Variants in SND1 observed in about 807,000 individuals in gnomAD.
SND1 encodes staphylococcal nuclease and tudor domain containing 1.
SND1 carries 38 observed loss-of-function variants against 121.7 expected under a neutral mutation model. The ratio of observed to expected loss-of-function variants is 0.31; its 90% CI spans 0.24 to 0.41. The LOEUF is 0.41. Ranked by LOEUF, SND1 falls within the 10% of genes least tolerant of loss-of-function variation. SND1 has a pLI of 1.00. For synonymous variants in SND1, 401 were observed against 447.4 expected (o/e 0.90, Z 1.31); for missense variants, 868 against 1,184.6 (o/e 0.73, Z 3.92).
chr7:128,018,375 A>G (rs978612171), intron 16 of SND1, among the ~76,000 whole-genome samples: 1 of 152,224 alleles, frequency 6.6e-6, no homozygotes, highest in Non-Finnish European at 1.5e-5. Flanking sequence ...AGCACAAAGA[A>G]AACACATGCT....
intron 9 of SND1, among the ~76,000 whole-genome samples, chr7:127,716,666 A>T (rs1796396862): frequency 6.6e-6 from 1 of 152,094 alleles, no homozygotes; most frequent in South Asian, 2.1e-4. Context: ...TTTCCTTCCA[A>T]TTTAGATGCC....
chr7:127,942,362 G>A (rs1801232387), intron 15 of SND1, among the ~76,000 whole-genome samples: 1 of 152,180 alleles, frequency 6.6e-6, no homozygotes, highest in Non-Finnish European at 1.5e-5. Context: ...TTTGCCAGGA[G>A]CAAAGGTCTC....
At chr7:127,710,999 A>AT (rs888641397) in intron 9 of SND1, among the ~76,000 whole-genome samples, 2 of 152,126 alleles carry the variant, frequency 1.3e-5, no homozygotes, top group African/African-American at 2.4e-5. Context: ...TAAAATTTAC[A>AT]TTTTTTTACA....
chr7:127,737,000 A>G (rs540473010), intron 10 of SND1, among the ~76,000 whole-genome samples: 4 of 152,336 alleles, frequency 2.6e-5, no homozygotes, highest in African/African-American at 9.6e-5. Flanking sequence ...GCACAATTAC[A>G]TTACAGATTA....
intron 11 of SND1, among the ~76,000 whole-genome samples, chr7:127,827,838 G>A (rs977334217): frequency 2.0e-5 from 3 of 151,876 alleles, no homozygotes; most frequent in Non-Finnish European, 2.9e-5. Flanking sequence ...TAAAGGAATA[G>A]TATATTATGC....
At chr7:127,729,121 G>T (rs1217800653) in intron 10 of SND1, among the ~76,000 whole-genome samples, 1 of 152,080 alleles carries the variant, frequency 6.6e-6, no homozygotes, top group Non-Finnish European at 1.5e-5. Flanking sequence ...CACCAGAGGG[G>T]TTAATTTCAG....
chr7:127,792,599 A>G (rs574146731), intron 10 of SND1, among the ~76,000 whole-genome samples: 3 of 152,324 alleles, frequency 2.0e-5, no homozygotes, highest in East Asian at 1.9e-4. Flanking sequence ...AAGAAAACAT[A>G]TAAGAACATA....
chr7:127,916,449 A>G (rs979321957), intron 14 of SND1, among the ~76,000 whole-genome samples: 1 of 152,150 alleles, frequency 6.6e-6, no homozygotes, highest in Non-Finnish European at 1.5e-5. Flanking sequence ...GTTAAAATTG[A>G]GGCACTAATG....
rs115184171 is a variant in SND1, at chr7:128,035,562, A to G, written c.1780-38940A>G. ...GGCACAGTGACTTACCTAAAGCTAC[A>G]TGACTGATTAGTATCAGAGTCTGTC... On this transcript the variant is annotated intron_variant, in intron 16 of 23. Coordinates refer to ENST00000354725, the MANE Select transcript of SND1 (RefSeq NM_014390.4). Among the ~76,000 whole-genome samples the G allele has an allele frequency of 5.8e-3, 889 of 152,346 alleles. 15 individuals are homozygous for G. Among genetic ancestry groups the G allele is most frequent in the African/African-American group, 0.02 (845 of 41,578 alleles).
intron 14 of SND1, among the ~76,000 whole-genome samples, chr7:127,909,836 G>A (rs188688437): frequency 1.5e-3 from 223 of 152,340 alleles, no homozygotes; most frequent in African/African-American, 4.7e-3. Context: ...TTCATGAAAC[G>A]AAGTCTTACA....
chr7:127,927,138 A>G (rs1219410026), intron 14 of SND1, among the ~76,000 whole-genome samples: 1 of 152,126 alleles, frequency 6.6e-6, no homozygotes, highest in Non-Finnish European at 1.5e-5. Flanking sequence ...TTTAGCAAAA[A>G]AGGAAGAGAG....
chr7:127,862,545 A>G (rs1799399142), intron 12 of SND1, among the ~76,000 whole-genome samples: 1 of 152,232 alleles, frequency 6.6e-6, no homozygotes, highest in Non-Finnish European at 1.5e-5. Context: ...CTTGTAATGT[A>G]TTACAGACAT....
chr7:128,009,665 A>G lies in SND1; in HGVS notation c.1779+18609A>G, dbSNP rs553076148. On this transcript the variant is annotated intron_variant, in intron 16 of 23. Transcript: ENST00000354725. ...ACCTTATTAGACAGCATAGGACTCTAGACAAGTCCCCTGCACATTGTGCAT... is the reference window on the plus strand; with the variant it reads ...ACCTTATTAGACAGCATAGGACTCTGGACAAGTCCCCTGCACATTGTGCAT... 6.6e-5 allele frequency among the ~76,000 whole-genome samples: 10 copies of G among 152,342 alleles called. No homozygotes were observed. The South Asian group carries it at 1.7e-3, about 25-fold the overall frequency.
At chr7:128,054,824 G>T (rs1172077344) in intron 16 of SND1, among the ~76,000 whole-genome samples, 2 of 152,210 alleles carry the variant, frequency 1.3e-5, no homozygotes, top group Admixed American at 6.5e-5. Context: ...CTGCCTCTCA[G>T]TAGTTTGTAA....
chr7:127,664,725 G>T (rs1231958736), intron 1 of SND1, among the ~76,000 whole-genome samples: 3 of 152,172 alleles, frequency 2.0e-5, no homozygotes. Flanking sequence ...GGCATCTTCA[G>T]TGGGAGGAGT....
intron 15 of SND1, among the ~76,000 whole-genome samples, chr7:127,975,693 G>A (rs1802103390): frequency 6.6e-6 from 1 of 152,176 alleles, no homozygotes; most frequent in Admixed American, 6.5e-5. Context: ...CAGCCAGCCT[G>A]GGGCTTTGGA....
intron 16 of SND1, among the ~76,000 whole-genome samples, chr7:128,071,906 C>T (rs1487093703): frequency 2.6e-5 from 4 of 152,206 alleles, no homozygotes; most frequent in Non-Finnish European, 5.9e-5. Flanking sequence ...CTTTCATCTG[C>T]GGCTGGCTGG....
chr7:127,900,576 A>G (rs1275526472), intron 13 of SND1, among the ~76,000 whole-genome samples: 3 of 152,208 alleles, frequency 2.0e-5, no homozygotes, highest in East Asian at 3.8e-4. Flanking sequence ...CTTCTAGAGG[A>G]AAAGCAGCAG....
chr7:127,819,736 AT>A (rs1357900939), intron 11 of SND1, among the ~76,000 whole-genome samples: 1 of 152,200 alleles, frequency 6.6e-6, no homozygotes, highest in African/African-American at 2.4e-5. Context: ...CCGTTTGAAG[AT>A]TTGTTGCCCG....
Sources: gnomAD v4.1 joint callset for allele counts (sites outside exome capture counted in the v4.1 genomes callset) on GRCh38, gnomAD v4.1.1 for gene constraint, MANE v1.5 for transcripts, NCBI Gene and HGNC (gene_info 2026-07-23, HGNC 2026-07-21) for gene names.